The following RANBP2 variants were observed in gnomAD, a reference collection of about 807,000 sequenced individuals.
RANBP2 encodes the protein E3 SUMO-protein ligase RanBP2.
RANBP2 carries 57 observed loss-of-function variants against 303.6 expected under a neutral mutation model. The observed-to-expected ratio is 0.19, with a 90% confidence interval of 0.15 to 0.23. The LOEUF is 0.23. Ranked by LOEUF, RANBP2 falls within the 10% of genes least tolerant of loss-of-function variation. The probability of loss-of-function intolerance (pLI) is 1.00; values close to 1 mark genes in which losing one functional copy is unlikely to be tolerated. For synonymous variants in RANBP2, 1,167 were observed against 1,301.5 expected (o/e 0.90, Z 2.23); for missense variants, 3,138 against 3,780.8 (o/e 0.83, Z 4.46).
the RANBP2 span, among the ~76,000 whole-genome samples, chr2:108,921,378 C>A: frequency 1.3e-5 from 2 of 152,290 alleles, no homozygotes; most frequent in South Asian, 2.1e-4. Flanking sequence ...CGGTGGTTTG[C>A]GTAATCCACC....
chr2:109,221,849 T>C, the RANBP2 span, among the ~76,000 whole-genome samples: 4 of 152,150 alleles, frequency 2.6e-5, no homozygotes, highest in African/African-American at 9.7e-5. Flanking sequence ...ACAATCCCAC[T>C]GCTGGGTATT....
chr2:108,979,454 GTC>G, the RANBP2 span, among the ~76,000 whole-genome samples: 1 of 116,382 alleles, frequency 8.6e-6, no homozygotes, highest in African/African-American at 4.0e-5. Flanking sequence ...CTCTGTCTCT[GTC>G]TCTCTCTCTC....
chr2:109,334,218 T>C, the RANBP2 span, among the ~76,000 whole-genome samples: 4 of 151,932 alleles, frequency 2.6e-5, no homozygotes, highest in African/African-American at 7.3e-5. Flanking sequence ...ATTAGCCAGG[T>C]GTGGTGGCAT....
At chr2:109,000,025 C>T in the RANBP2 span, among the ~76,000 whole-genome samples, 6 of 152,226 alleles carry the variant, frequency 3.9e-5, no homozygotes, top group Non-Finnish European at 1.5e-5. Flanking sequence ...CAAATCTGTG[C>T]TTCCTTTATC....
At chr2:109,188,370 C>T in the RANBP2 span, among the ~76,000 whole-genome samples, 8 of 152,226 alleles carry the variant, frequency 5.3e-5, no homozygotes, top group Admixed American at 5.2e-4. Context: ...TGATCACCAC[C>T]TCCAGGGTTG....
At chr2:108,843,878 G>C in the RANBP2 span, among the ~76,000 whole-genome samples, 41 of 44,206 alleles carry the variant, frequency 9.3e-4, 12 homozygotes, top group East Asian at 2.1e-3. Context: ...GTGTGTGTGT[G>C]TTTCTTTCTT....
At chr2:108,972,969 A>AT in the RANBP2 span, among the ~76,000 whole-genome samples, 1 of 151,926 alleles carries the variant, frequency 6.6e-6, no homozygotes, top group Non-Finnish European at 1.5e-5. Context: ...GCAGGTGTTT[A>AT]TTTTTTTATT....
the RANBP2 span, among the ~76,000 whole-genome samples, chr2:109,183,425 T>C: frequency 1.3e-5 from 2 of 152,156 alleles, no homozygotes; most frequent in African/African-American, 4.8e-5. Context: ...CTACCTTATA[T>C]CTAGATGCAT....
chr2:109,338,098 G>T, the RANBP2 span, among the ~76,000 whole-genome samples: 3 of 152,138 alleles, frequency 2.0e-5, no homozygotes, highest in East Asian at 5.8e-4. Flanking sequence ...TAGTAAACAC[G>T]CTGTGTGCTG....
chr2:109,407,918 AAT>A, the RANBP2 span, among the ~76,000 whole-genome samples: 1 of 152,210 alleles, frequency 6.6e-6, no homozygotes, highest in African/African-American at 2.4e-5. Context: ...AAAGCTTACC[AAT>A]CACAGTGCAG....
rs1676971316 is a variant in RANBP2 at position 108,764,510 on chromosome 2, A to G, written c.3971A>G (p.Lys1324Arg). Residue 1324 changes from lysine (K) to arginine (R), a missense_variant, in exon 20 of 29, where the codon AAA becomes AGA. Coordinates refer to ENST00000283195, the MANE Select transcript of RANBP2 (RefSeq NM_006267.5). ...MASNQAVRIV[K>R]EPTSHDNKDI... ...TCAAATCAGGCTGTCAGAATTGTAAAAGAACCCACAAGTCATGATAACAAG... is the reference window on the plus strand; with the variant it reads ...TCAAATCAGGCTGTCAGAATTGTAAGAGAACCCACAAGTCATGATAACAAG... The G allele has an allele frequency of 6.2e-7, 1 of 1,613,892 alleles. No homozygotes were observed. Among genetic ancestry groups the G allele is most frequent in the South Asian group, 1.1e-5 (1 of 91,088 alleles).
the RANBP2 span, among the ~76,000 whole-genome samples, chr2:109,190,820 A>C: frequency 8.6e-5 from 13 of 152,018 alleles, no homozygotes; most frequent in Non-Finnish European, 1.8e-4. Context: ...ATCATTTTTA[A>C]GGAGTGTTCA....
At chr2:108,772,466 C>G in intron 21 of RANBP2, 23 bp from the exon 22 acceptor site, 1 of 1,594,696 alleles carries the variant, frequency 6.3e-7, no homozygotes, top group Non-Finnish European at 8.6e-7. Context: ...ACTAGAAATT[C>G]TTTTAATCAA....
the RANBP2 span, among the ~76,000 whole-genome samples, chr2:108,980,329 A>T: frequency 2.0e-5 from 3 of 152,036 alleles, no homozygotes; most frequent in Non-Finnish European, 4.4e-5. Context: ...GGAGAGCAAA[A>T]GCCCCCTTGG....
At chr2:109,342,040 G>A in the RANBP2 span, among the ~76,000 whole-genome samples, 5 of 152,228 alleles carry the variant, frequency 3.3e-5, no homozygotes, top group African/African-American at 1.2e-4. Flanking sequence ...GCCTATGGAC[G>A]AATGTGTTCA....
the RANBP2 span, among the ~76,000 whole-genome samples, chr2:109,357,103 T>C: frequency 8.6e-5 from 13 of 150,840 alleles, no homozygotes; most frequent in Admixed American, 4.6e-4. Flanking sequence ...TTAATACTTA[T>C]ACATAACATA....
At chr2:108,739,259 C>T (rs934515399) in intron 6 of RANBP2, among the ~76,000 whole-genome samples, 2 of 151,900 alleles carry the variant, frequency 1.3e-5, no homozygotes, top group African/African-American at 2.4e-5. Flanking sequence ...AAAAATTAGC[C>T]GGGTATGTTG....
At chr2:108,951,622 G>A in the RANBP2 span, among the ~76,000 whole-genome samples, 1 of 152,110 alleles carries the variant, frequency 6.6e-6, no homozygotes, top group Non-Finnish European at 1.5e-5. Flanking sequence ...ACAGGGAAGG[G>A]CACTGGATCA....
In RANBP2 at chr2:108,739,799, C is replaced by T. The variant is rs527691265; in HGVS notation, c.783-690C>T. On this transcript the variant is annotated intron_variant, in intron 6 of 28. Coordinates refer to ENST00000283195, the MANE Select transcript of RANBP2 (RefSeq NM_006267.5). ...AGGAGTTGAAGACCAGCCTGGCCAA[C>T]GTAGTGAAACCCTGTCTCTACTAGA... 6.6e-5 allele frequency among the ~76,000 whole-genome samples: 10 copies of T among 152,240 alleles called. No individual in the cohort carries two copies. The East Asian group carries it at 1.4e-3, about 21-fold the overall frequency.
Sources: allele counts gnomAD v4.1 joint callset (sites outside exome capture counted in the v4.1 genomes callset), GRCh38; gene constraint gnomAD v4.1.1; transcripts MANE v1.5; gene names NCBI Gene and HGNC (gene_info 2026-07-23, HGNC 2026-07-21).